RELN: variants seen among roughly 807,000 people sequenced by gnomAD.
RELN encodes the protein reelin.
RELN carries 108 observed loss-of-function variants against 427.6 expected under a neutral mutation model. The observed-to-expected ratio is 0.25, with a 90% CI of 0.22 to 0.30. The LOEUF (loss-of-function observed/expected upper bound fraction) is 0.30. RELN is among the 10% of genes least tolerant of loss of function. The probability of loss-of-function intolerance (pLI) is 1.00; values close to 1 mark genes in which losing one functional copy is unlikely to be tolerated. For missense variants in RELN, 3,715 were observed against 4,302.8 expected (o/e 0.86, Z 3.82); for synonymous variants, 1,524 against 1,513.4 (o/e 1.01, Z -0.16).
At chr7:103,689,591 A>G (rs1833832614) in intron 10 of RELN, among the ~76,000 whole-genome samples, 1 of 152,156 alleles carries the variant, frequency 6.6e-6, no homozygotes, top group Admixed American at 6.6e-5. Flanking sequence ...AGACGAGCGT[A>G]AACAAACAAA....
At chr7:103,624,674 C>T (rs943665413) in intron 20 of RELN, among the ~76,000 whole-genome samples, 3 of 152,110 alleles carry the variant, frequency 2.0e-5, no homozygotes, top group Admixed American at 6.5e-5. Context: ...GTGATCCACC[C>T]GCCTCGGCCT....
chr7:103,541,485 T>C (rs1192138570), intron 43 of RELN, among the ~76,000 whole-genome samples: 2 of 152,174 alleles, frequency 1.3e-5, no homozygotes, highest in African/African-American at 2.4e-5. Context: ...CCTGAAAAAA[T>C]TGGGATTTTA....
At position 103,847,637 on chromosome 7, in the gene RELN, G is replaced by C. The variant is rs146770057; in HGVS notation, c.338-13965C>G. On this transcript the variant is annotated intron_variant, in intron 2 of 64. Transcript: ENST00000428762. Reference sequence around the variant, plus strand: ...TGGCATTTCTTTGGCAGAGAGAAGAGAGGAGAAGAGACAGGCTTGAGAATA... The same window carrying C: ...TGGCATTTCTTTGGCAGAGAGAAGACAGGAGAAGAGACAGGCTTGAGAATA... 9.4e-4 allele frequency among the ~76,000 whole-genome samples: 143 copies of C among 152,144 alleles called. No individual in the cohort carries two copies. The East Asian group carries it at 0.019, about 20-fold the overall frequency.
chr7:103,622,660 T>C (rs1200741307), intron 20 of RELN, among the ~76,000 whole-genome samples: 2 of 152,186 alleles, frequency 1.3e-5, no homozygotes, highest in Non-Finnish European at 2.9e-5. Flanking sequence ...TACTTTTACA[T>C]AGTTGTTTCT....
In RELN at chr7:103,927,597, G is replaced by C. The variant is rs137937266; in HGVS notation, c.227-10412C>G. On this transcript the variant is annotated intron_variant, in intron 1 of 64. Transcript: ENST00000428762. ...GATGAAATAAATGCACAACTAATTT[G>C]TGTAACATTAAATTGTAATTATAAA... 2.2e-3 allele frequency among the ~76,000 whole-genome samples: 340 copies of C among 152,254 alleles called. 7 individuals are homozygous for C. The East Asian group carries it at 0.058, about 26-fold the overall frequency.
At chr7:103,825,821 G>A (rs39346) in intron 3 of RELN, among the ~76,000 whole-genome samples, 24,719 of 151,954 alleles carry the variant, frequency 0.16, 2,169 homozygotes, top group Admixed American at 0.19. Flanking sequence ...ATAGCCACAT[G>A]GCTTATAGCT....
At chr7:103,958,760 C>CA (rs759195993) in intron 1 of RELN, among the ~76,000 whole-genome samples, 3 of 151,306 alleles carry the variant, frequency 2.0e-5, no homozygotes, top group Non-Finnish European at 4.4e-5. Flanking sequence ...TTCTTCATTG[C>CA]AAAACTAAAA....
rs149614024 is a variant in RELN at position 103,949,491 on chromosome 7, T to C, written c.227-32306A>G. 5.8e-4 allele frequency among the ~76,000 whole-genome samples: 89 copies of C among 152,256 alleles called. No individual in the cohort carries two copies. In the East Asian group the frequency reaches 0.016, roughly 28 times the overall value. ...CCCTCACGAACGCGATTAGTGCTCT[T>C]AGAGGAAGAGACACAAGACAGCTTC... On this transcript the variant is annotated intron_variant, in intron 1 of 64. Coordinates refer to ENST00000428762, the MANE Select transcript of RELN (RefSeq NM_005045.4).
chr7:103,812,899 G>A (rs1326767246), intron 3 of RELN, among the ~76,000 whole-genome samples: 1 of 152,062 alleles, frequency 6.6e-6, no homozygotes, highest in Non-Finnish European at 1.5e-5. Context: ...TAATATCAAT[G>A]TTTAAAATTG....
At chr7:103,825,020 C>T (rs990702476) in intron 3 of RELN, among the ~76,000 whole-genome samples, 1 of 151,928 alleles carries the variant, frequency 6.6e-6, no homozygotes, top group Non-Finnish European at 1.5e-5. Flanking sequence ...ACTTAGTAGG[C>T]TGCCTGGTAC....
chr7:103,771,208 C>T (rs528994606), intron 4 of RELN, among the ~76,000 whole-genome samples: 21 of 151,792 alleles, frequency 1.4e-4, no homozygotes, highest in Admixed American at 7.2e-4. Context: ...TGAGCCGCCA[C>T]GCCCAGCCCA....
At chr7:103,666,370 C>A (rs549227301) in intron 11 of RELN, among the ~76,000 whole-genome samples, 1 of 152,276 alleles carries the variant, frequency 6.6e-6, no homozygotes, top group South Asian at 2.1e-4. Context: ...CTGTGCCCCA[C>A]TTCTTTGATT....
At chr7:103,815,227 C>T (rs1792841957) in intron 3 of RELN, among the ~76,000 whole-genome samples, 1 of 152,136 alleles carries the variant, frequency 6.6e-6, no homozygotes, top group African/African-American at 2.4e-5. Flanking sequence ...CATCTTTAAA[C>T]ATTTGAGAAA....
chr7:103,542,504 G>A (rs1427276390), intron 43 of RELN, among the ~76,000 whole-genome samples: 1 of 152,148 alleles, frequency 6.6e-6, no homozygotes, highest in African/African-American at 2.4e-5. Flanking sequence ...ATTTTTGCCT[G>A]TTTAGGTATG....
At chr7:103,735,275 CTGTT>C (rs1790463088) in intron 6 of RELN, among the ~76,000 whole-genome samples, 2 of 152,070 alleles carry the variant, frequency 1.3e-5, no homozygotes, top group African/African-American at 4.8e-5. Flanking sequence ...ATTCAGGTGG[CTGTT>C]TTTTTTCATG....
intron 50 of RELN, among the ~76,000 whole-genome samples, chr7:103,514,228 T>TG: frequency 6.6e-6 from 1 of 152,340 alleles, no homozygotes; most frequent in African/African-American, 2.4e-5. Context: ...TGAATATCAC[T>TG]GCTTTATCTG....
intron 60 of RELN, among the ~76,000 whole-genome samples, chr7:103,487,793 T>A (rs1165924900): frequency 1.3e-5 from 2 of 152,210 alleles, no homozygotes; most frequent in African/African-American, 4.8e-5. Flanking sequence ...AAGAGCAGTG[T>A]CTATATTTTA....
intron 11 of RELN, among the ~76,000 whole-genome samples, chr7:103,671,628 T>G (rs1324357313): frequency 6.6e-6 from 1 of 152,000 alleles, no homozygotes; most frequent in Non-Finnish European, 1.5e-5. Context: ...TTATAATGAG[T>G]GTTTTTACTT....
intron 16 of RELN, among the ~76,000 whole-genome samples, chr7:103,642,793 C>T (rs1005508305): frequency 2.0e-5 from 3 of 151,958 alleles, no homozygotes; most frequent in Non-Finnish European, 4.4e-5. Context: ...TTATAGAATC[C>T]TTAAAAAGTG....
Sources: allele counts gnomAD v4.1 joint callset (sites outside exome capture counted in the v4.1 genomes callset), GRCh38; gene constraint gnomAD v4.1.1; transcripts MANE v1.5; gene names NCBI Gene and HGNC (gene_info 2026-07-23, HGNC 2026-07-21).